The following MMEL1 variants were observed in gnomAD, a reference collection of about 807,000 sequenced individuals.
MMEL1 encodes the protein membrane metalloendopeptidase like 1, also known as membrane metallo-endopeptidase-like 1.
In MMEL1, 98 loss-of-function variants were observed where a neutral mutation model predicts 117.1. That is an observed-to-expected ratio of 0.84 (90% confidence interval 0.71 to 0.99). The LOEUF is 0.99. Ranked by LOEUF, MMEL1 falls within the 50% of genes least tolerant of loss-of-function variation. The pLI is 0.00. For missense variants in MMEL1, 1,014 were observed against 1,049.1 expected, an observed-to-expected ratio of 0.97 and a Z score of 0.46; for synonymous variants, 390 against 415.1, an observed-to-expected ratio of 0.94 and a Z score of 0.74.
chr1:2,598,538 C>G (rs1644882686), intron 12 of MMEL1, 116 bp downstream of exon 12: 1 of 1,500,730 alleles, frequency 6.7e-7, no homozygotes, highest in South Asian at 1.3e-5. Context: ...ATGTCCCACA[C>G]CCCTCAGGGC....
At position 2,596,028 on chromosome 1, in the gene MMEL1, T is replaced by C. The variant is rs762656341; in HGVS notation, c.1481A>G (p.Lys494Arg). The C allele has an allele frequency of 1.9e-6, 3 of 1,613,824 alleles. No individual in the cohort carries two copies. Among genetic ancestry groups the C allele is most frequent in the African/African-American group, 1.3e-5 (1 of 74,984 alleles). The change falls in exon 15 of 24, where the codon AAG becomes AGG. Residue 494 changes from lysine to arginine, a missense_variant. Lys to Arg is a conservative substitution (Grantham distance 26). Transcript: ENST00000378412. The part of the protein sequence containing the change: ...DELGWMDEES[K>R]KKAQEKAMSI... ...ACATACCTTCTCCTGCGCCTTCTTC[T>C]TGGACTCCTCGTCCATCCAGCCCAG...
At chr1:2,623,651 C>A (rs1000912018) in intron 2 of MMEL1, among the ~76,000 whole-genome samples, 16 of 152,336 alleles carry the variant, frequency 1.1e-4, no homozygotes, top group Admixed American at 7.8e-4. Flanking sequence ...CGGGAGCCCC[C>A]ATCACGAAGA....
chr1:2,621,633 G>A (rs1289997445), intron 2 of MMEL1, among the ~76,000 whole-genome samples: 3 of 151,180 alleles, frequency 2.0e-5, no homozygotes, highest in Non-Finnish European at 2.9e-5. Flanking sequence ...GCACGATCTC[G>A]GCTCACTGCA....
intron 11 of MMEL1, among the ~76,000 whole-genome samples, chr1:2,600,684 T>TCAAACAAA (rs141426426): frequency 4.8e-4 from 72 of 151,412 alleles, no homozygotes; most frequent in African/African-American, 1.7e-3. Context: ...AGACCCTGTC[T>TCAAACAAA]CAAACAAACA....
chr1:2,604,411 C>T, intron 9 of MMEL1, 130 bp from the exon 10 acceptor site: 1 of 1,321,976 alleles, frequency 7.6e-7, no homozygotes, highest in East Asian at 2.4e-5. Context: ...CCTTGACCAG[C>T]AGGCTCTCGG....
chr1:2,631,217 G>A (rs1638564918), intron 1 of MMEL1, among the ~76,000 whole-genome samples: 2 of 152,142 alleles, frequency 1.3e-5, no homozygotes, highest in African/African-American at 4.8e-5. Context: ...ACTTTCAGTC[G>A]TCACACGCAA....
At chr1:2,632,733 A>T in intron 1 of MMEL1, 133 bp downstream of exon 1, 1 of 425,066 alleles carries the variant, frequency 2.4e-6, no homozygotes, top group Non-Finnish European at 3.2e-6. Flanking sequence ...GAGACTGCAC[A>T]CAGGACGCCC....
At chr1:2,608,030 A>T (rs530511540) in intron 6 of MMEL1, among the ~76,000 whole-genome samples, 1 of 152,108 alleles carries the variant, frequency 6.6e-6, no homozygotes, top group African/African-American at 2.4e-5. Context: ...CCGTTTGTAT[A>T]TTCAGCCTCT....
At position 2,592,860 on chromosome 1, in the gene MMEL1, G is replaced by A. The variant is rs1644762884; in HGVS notation, c.1974C>T (p.Tyr658=). ...TCTGTTCGTCTGCCAGGTCCCAGGA[G>A]TAGTTGCCGTACTGGTAGATCATGC... ...SECMIYQYGN[Y]SWDLADEQNV... is the part of the protein sequence containing the mutation. The change falls in exon 20 of 24, where the codon TAC becomes TAT. Residue 658 remains tyrosine (Y), a synonymous_variant. Coordinates refer to ENST00000378412, the MANE Select transcript of MMEL1 (RefSeq NM_033467.4). 6.2e-7 allele frequency: 1 copy of A among 1,613,668 alleles called. No individual in the cohort carries two copies. The highest frequency in any genetic ancestry group is 1.3e-5 in the African/African-American group (1 of 74,874).
intron 8 of MMEL1, 147 bp from the exon 9 acceptor site, chr1:2,605,770 C>T (rs921138271): frequency 1.2e-5 from 4 of 333,098 alleles, no homozygotes; most frequent in African/African-American, 4.9e-5. Context: ...GTGCCGGACC[C>T]GGGAGGCCAG....
chr1:2,592,908 C>T lies in MMEL1; in HGVS notation c.1926G>A (p.Gln642=). 1 of 1,613,812 alleles carries T rather than the reference C, an allele frequency of 6.2e-7. No individual in the cohort carries two copies. Among genetic ancestry groups the T allele is most frequent in the Non-Finnish European group, 8.5e-7 (1 of 1,179,946 alleles). Residue 642 remains glutamine (Q), a synonymous_variant, in exon 20 of 24, where the codon CAG becomes CAA. Transcript: ENST00000378412. ...MMDWWSNFST[Q]HFREQSECMI... is the part of the protein sequence containing the mutation. ...TGCACTCTGACTGCTCCCGGAAGTG[C>T]TGGGTGGAGAAGTTACTCCACCAAT...
intron 2 of MMEL1, among the ~76,000 whole-genome samples, chr1:2,617,556 C>T (rs572675533): frequency 3.3e-5 from 5 of 151,818 alleles, no homozygotes; most frequent in Admixed American, 6.6e-5. Flanking sequence ...GCTGAGATTG[C>T]GCCACTGCAC....
intron 2 of MMEL1, among the ~76,000 whole-genome samples, chr1:2,625,626 C>T (rs931900684): frequency 4.6e-5 from 7 of 152,194 alleles, no homozygotes; most frequent in South Asian, 2.1e-4. Context: ...GCTCTTGGCC[C>T]GTTACTGGGC....
In MMEL1 at chr1:2,596,070, AC is replaced by A. The variant is rs1161026453; in HGVS notation, c.1438del (p.Val480TrpfsTer23). ...ELIDKVRTVF[V>X]ETLDELGWMD... is the part of the protein sequence containing the mutation. ...CCAGCCCAGCTCGTCCAGCGTCTCC[AC>A]AAACACTGTCCGCACCTTGTCAATG... On this transcript the variant is annotated frameshift_variant, in exon 15 of 24. Transcript: ENST00000378412. LOFTEE classifies it high-confidence loss of function. 2 of 1,613,800 alleles carry A rather than the reference AC, an allele frequency of 1.2e-6. No homozygotes were observed. The highest frequency in any genetic ancestry group is 1.7e-6 in the Non-Finnish European group (2 of 1,179,922).
intron 4 of MMEL1, 119 bp from the exon 5 acceptor site, chr1:2,609,950 A>G: frequency 8.9e-7 from 1 of 1,122,486 alleles, no homozygotes. Flanking sequence ...GCTGCTGTCC[A>G]TCCAGTCGCA....
intron 2 of MMEL1, among the ~76,000 whole-genome samples, chr1:2,614,418 T>C (rs1014330757): frequency 6.6e-6 from 1 of 152,064 alleles, no homozygotes; most frequent in Non-Finnish European, 1.5e-5. Flanking sequence ...CACATGTACA[T>C]TGGAATGGAA....
At chr1:2,606,144 C>CCCGG (rs1645022611) in intron 8 of MMEL1, 104 bp downstream of exon 8, 1 of 888,480 alleles carries the variant, frequency 1.1e-6, no homozygotes, top group African/African-American at 1.6e-5. Flanking sequence ...CCCAGGAGAC[C>CCCGG]CCGGAGCTCC....
chr1:2,596,800 T>C, intron 13 of MMEL1, 111 bp from the exon 14 acceptor site: 1 of 1,341,596 alleles, frequency 7.5e-7, no homozygotes, highest in Non-Finnish European at 1.0e-6. Flanking sequence ...AGCCTCAGGG[T>C]GCCCCGGGGC....
At chr1:2,606,146 C>T (rs1032745808) in intron 8 of MMEL1, 102 bp downstream of exon 8, 14 of 910,702 alleles carry the variant, frequency 1.5e-5, no homozygotes, top group African/African-American at 9.7e-5. Flanking sequence ...CAGGAGACCC[C>T]GGAGCTCCCT....
Sources: gnomAD v4.1 joint callset for allele counts (sites outside exome capture counted in the v4.1 genomes callset) on GRCh38, gnomAD v4.1.1 for gene constraint, MANE v1.5 for transcripts, NCBI Gene and HGNC (gene_info 2026-07-23, HGNC 2026-07-21) for gene names.